ADAM12: variants seen among roughly 807,000 people sequenced by gnomAD.
The protein encoded by ADAM12 is ADAM metallopeptidase domain 12, also known as disintegrin and metalloproteinase domain-containing protein 12.
A neutral mutation model predicts 106.4 loss-of-function variants in ADAM12; 70 were observed. The observed-to-expected ratio is 0.66, with a 90% CI of 0.54 to 0.80. The LOEUF is 0.80. ADAM12 is among the 30% of genes least tolerant of loss of function. ADAM12 has a pLI of 0.00. For missense variants in ADAM12, 1,010 were observed against 1,171.9 expected (o/e 0.86, Z 2.02); for synonymous variants, 420 against 433.5 (o/e 0.97, Z 0.39).
At chr10:126,380,428 G>A (rs566681545) in intron 1 of ADAM12, among the ~76,000 whole-genome samples, 1 of 152,278 alleles carries the variant, frequency 6.6e-6, no homozygotes, top group East Asian at 1.9e-4. Context: ...TCCAGCGTGA[G>A]GTAGACTAGA....
chr10:126,263,102 G>A (rs184088503), intron 3 of ADAM12, among the ~76,000 whole-genome samples: 2 of 152,194 alleles, frequency 1.3e-5, no homozygotes, highest in Admixed American at 6.5e-5. Flanking sequence ...CTTGGCTCTC[G>A]TAGGAATTGT....
intron 1 of ADAM12, among the ~76,000 whole-genome samples, chr10:126,382,310 G>A (rs993018468): frequency 2.0e-5 from 3 of 152,230 alleles, no homozygotes; most frequent in African/African-American, 7.2e-5. Context: ...ACCAACATGG[G>A]AGGTGTATTT....
chr10:126,349,945 A>G (rs898871439), intron 1 of ADAM12, among the ~76,000 whole-genome samples: 3 of 152,246 alleles, frequency 2.0e-5, no homozygotes, highest in Non-Finnish European at 2.9e-5. Flanking sequence ...TGGAAAATGC[A>G]TATGATTGAA....
intron 3 of ADAM12, among the ~76,000 whole-genome samples, chr10:126,160,770 C>T (rs972726593): frequency 2.0e-5 from 3 of 152,206 alleles, no homozygotes; most frequent in African/African-American, 7.2e-5. Context: ...GTGCTTGCAA[C>T]CTCATGCTGC....
At chr10:126,224,749 T>G (rs540079129) in intron 3 of ADAM12, among the ~76,000 whole-genome samples, 73 of 152,318 alleles carry the variant, frequency 4.8e-4, no homozygotes, top group Non-Finnish European at 9.3e-4. Context: ...TGTCACGATG[T>G]CAGGTCAAAC....
chr10:126,179,149 G>T (rs1360420174), intron 3 of ADAM12, among the ~76,000 whole-genome samples: 12 of 152,202 alleles, frequency 7.9e-5, no homozygotes. Context: ...AACAAAAGCG[G>T]AGTGTGTGGG....
intron 3 of ADAM12, among the ~76,000 whole-genome samples, chr10:126,257,350 G>A (rs1958913107): frequency 6.6e-6 from 1 of 152,206 alleles, no homozygotes; most frequent in Non-Finnish European, 1.5e-5. Context: ...CGATCAAAAT[G>A]TTCCATTTGT....
intron 5 of ADAM12, among the ~76,000 whole-genome samples, chr10:126,130,590 T>C (rs902667078): frequency 1.3e-5 from 2 of 152,186 alleles, no homozygotes; most frequent in African/African-American, 4.8e-5. Context: ...GCGGGGTGGA[T>C]GTGGAGACTC....
chr10:126,276,022 G>T (rs1959232194), intron 3 of ADAM12, among the ~76,000 whole-genome samples: 1 of 152,280 alleles, frequency 6.6e-6, no homozygotes, highest in Non-Finnish European at 1.5e-5. Context: ...TAACATGCTA[G>T]TTACATTGAT....
chr10:126,262,523 CCT>C (rs1406590718), intron 3 of ADAM12, among the ~76,000 whole-genome samples: 3 of 152,120 alleles, frequency 2.0e-5, no homozygotes. Context: ...TATGATTACC[CCT>C]TTTTGGACAA....
chr10:126,373,052 G>A (rs1856166062), intron 1 of ADAM12, among the ~76,000 whole-genome samples: 1 of 152,226 alleles, frequency 6.6e-6, no homozygotes, highest in Non-Finnish European at 1.5e-5. Context: ...TGATTTTCCT[G>A]TAGATAAATT....
In ADAM12 at chr10:126,014,960, T is replaced by C. The variant is rs887047495; in HGVS notation, c.*2319A>G. On this transcript the variant is annotated 3_prime_UTR_variant, in exon 23 of 23. Transcript: ENST00000448723. ...ACCCTGGTTATTGGTTCCTAAGTTATGTTAAAATGGAATTTGCTGCTAAAT... is the reference window on the plus strand; with the variant it reads ...ACCCTGGTTATTGGTTCCTAAGTTACGTTAAAATGGAATTTGCTGCTAAAT... 6.6e-6 allele frequency: 1 copy of C among 152,214 alleles called. No homozygotes were observed. The highest frequency in any genetic ancestry group is 1.5e-5 in the Non-Finnish European group (1 of 68,038). 9.4% of individuals were successfully genotyped at this position (152,214 alleles called of 1,614,324 possible).
intron 3 of ADAM12, among the ~76,000 whole-genome samples, chr10:126,236,402 C>T (rs1288244200): frequency 6.6e-6 from 1 of 152,192 alleles, no homozygotes; most frequent in African/African-American, 2.4e-5. Flanking sequence ...CGAGCTCAGG[C>T]TGGGATTTGC....
chr10:126,070,736 T>C (rs79968609), intron 12 of ADAM12: 1,888 of 152,286 alleles, frequency 0.012, 81 homozygotes, highest in East Asian at 0.088. Context: ...CTTTGATTTA[T>C]TCTAAACACA....
intron 3 of ADAM12, among the ~76,000 whole-genome samples, chr10:126,242,705 C>A (rs903252282): frequency 6.6e-6 from 1 of 152,190 alleles, no homozygotes; most frequent in Non-Finnish European, 1.5e-5. Flanking sequence ...GAGTTTCTGA[C>A]ACAAATAACA....
intron 3 of ADAM12, among the ~76,000 whole-genome samples, chr10:126,194,936 T>C (rs995690309): frequency 3.3e-5 from 5 of 152,254 alleles, no homozygotes; most frequent in Admixed American, 2.0e-4. Flanking sequence ...TGAATGCCTA[T>C]GGCAGTGAGG....
At chr10:126,156,235 AAC>A (rs68165485) in intron 3 of ADAM12, among the ~76,000 whole-genome samples, 28,414 of 152,074 alleles carry the variant, frequency 0.19, 2,646 homozygotes, top group Middle Eastern at 0.21. Flanking sequence ...ACAGAGTAGA[AAC>A]AGAGTCCTTC....
intron 2 of ADAM12, among the ~76,000 whole-genome samples, chr10:126,298,411 A>G (rs1410362200): frequency 1.3e-5 from 2 of 152,244 alleles, no homozygotes; most frequent in South Asian, 2.1e-4. Context: ...AATAGGTTCA[A>G]TGGCATTTTA....
At chr10:126,034,224 G>A (rs1257179743) in intron 21 of ADAM12, among the ~76,000 whole-genome samples, 1 of 152,150 alleles carries the variant, frequency 6.6e-6, no homozygotes, top group Non-Finnish European at 1.5e-5. Flanking sequence ...TCAATCAAGG[G>A]AGGTTATGCC....
Sources: allele counts gnomAD v4.1 joint callset (sites outside exome capture counted in the v4.1 genomes callset), GRCh38; gene constraint gnomAD v4.1.1; transcripts MANE v1.5; gene names NCBI Gene and HGNC (gene_info 2026-07-23, HGNC 2026-07-21).